GNAL: variants seen among roughly 807,000 people sequenced by gnomAD.
The protein encoded by GNAL is G protein subunit alpha L.
In GNAL, 18 loss-of-function variants were observed where a neutral mutation model predicts 55.1. The observed-to-expected ratio is 0.33, with a 90% confidence interval of 0.23 to 0.48. The LOEUF is 0.48. Ranked by LOEUF, GNAL falls within the 20% of genes least tolerant of loss-of-function variation. The probability of loss-of-function intolerance (pLI) is 0.99; values close to 1 mark genes in which losing one functional copy is unlikely to be tolerated. For missense variants in GNAL, 412 were observed against 614.1 expected, an observed-to-expected ratio of 0.67 and a Z score of 3.48; for synonymous variants, 253 against 237.0, an observed-to-expected ratio of 1.07 and a Z score of -0.62.
intron 4 of GNAL, among the ~76,000 whole-genome samples, chr18:11,770,656 C>T (rs1198655248): frequency 6.6e-6 from 1 of 151,932 alleles, no homozygotes; most frequent in Non-Finnish European, 1.5e-5. Context: ...TGTACCATTA[C>T]CCTAAAGAAT....
intron 5 of GNAL, among the ~76,000 whole-genome samples, chr18:11,837,659 G>A (rs952848360): frequency 6.6e-6 from 1 of 152,174 alleles, no homozygotes; most frequent in East Asian, 1.9e-4. Context: ...CTCATATACT[G>A]CTGGTGGGAA....
At chr18:11,706,107 TG>T (rs1379676682) in intron 1 of GNAL, among the ~76,000 whole-genome samples, 1 of 152,138 alleles carries the variant, frequency 6.6e-6, no homozygotes, top group Non-Finnish European at 1.5e-5. Flanking sequence ...TGTTTTGTTT[TG>T]TTTTTTTGCT....
At chr18:11,871,717 T>G (rs2036402807) in intron 9 of GNAL, among the ~76,000 whole-genome samples, 1 of 152,256 alleles carries the variant, frequency 6.6e-6, no homozygotes, top group Non-Finnish European at 1.5e-5. Flanking sequence ...TCACTTCTAA[T>G]GTGAGTTTTC....
chr18:11,806,475 A>G (rs746482624), intron 4 of GNAL, among the ~76,000 whole-genome samples: 1 of 152,212 alleles, frequency 6.6e-6, no homozygotes, highest in East Asian at 1.9e-4. Context: ...TATAGTTTCA[A>G]GTCTTACAAT....
chr18:11,722,192 A>C (rs762951138), intron 1 of GNAL, among the ~76,000 whole-genome samples: 2 of 152,184 alleles, frequency 1.3e-5, no homozygotes, highest in South Asian at 2.1e-4. Context: ...CTCTGGACAC[A>C]TTTCTTCAGC....
chr18:11,696,832 A>G (rs2031428111), intron 1 of GNAL, among the ~76,000 whole-genome samples: 1 of 152,154 alleles, frequency 6.6e-6, no homozygotes, highest in South Asian at 2.1e-4. Flanking sequence ...GGAATATATG[A>G]CCATTTTATG....
chr18:11,715,994 TA>T (rs1208907381), intron 1 of GNAL, among the ~76,000 whole-genome samples: 1 of 152,064 alleles, frequency 6.6e-6, no homozygotes, highest in East Asian at 1.9e-4. Flanking sequence ...AGACTACTAT[TA>T]AAAAACAGAT....
intron 1 of GNAL, among the ~76,000 whole-genome samples, chr18:11,698,258 C>T (rs1256625174): frequency 3.3e-5 from 5 of 151,756 alleles, no homozygotes; most frequent in Admixed American, 6.6e-5. Context: ...TTTGGGAGGC[C>T]GAGGCGGGTG....
chr18:11,853,583 A>G (rs1172596616), intron 5 of GNAL: 1 of 167,094 alleles, frequency 6.0e-6, no homozygotes, highest in Non-Finnish European at 1.5e-5. Context: ...ATAACCAACT[A>G]TTCACTATTA....
At chr18:11,778,126 C>T (rs928258857) in intron 4 of GNAL, among the ~76,000 whole-genome samples, 10 of 152,160 alleles carry the variant, frequency 6.6e-5, no homozygotes, top group Non-Finnish European at 1.2e-4. Flanking sequence ...CTTACCCATA[C>T]ATATGTATGG....
In GNAL at chr18:11,689,587, G is replaced by A; in HGVS notation, c.24G>A (p.Arg8=). 1 of 1,333,608 alleles carries A rather than the reference G, an allele frequency of 7.5e-7. No individual in the cohort carries two copies. The highest frequency in any genetic ancestry group is 9.5e-7 in the Non-Finnish European group (1 of 1,052,032). 82.6% of individuals were successfully genotyped at this position (1,333,608 alleles called of 1,614,324 possible). Residue 8 remains arginine (R), a synonymous_variant, in exon 1 of 12, where the codon CGG becomes CGA. Transcript: ENST00000334049. MGLCYSL[R]PLLFGGPGDD... ...ACATGGGTCTGTGCTACAGTCTGCG[G>A]CCGCTGCTTTTCGGGGGCCCAGGGG...
intron 9 of GNAL, among the ~76,000 whole-genome samples, chr18:11,869,244 T>C (rs551228794): frequency 2.1e-4 from 32 of 152,102 alleles, no homozygotes; most frequent in South Asian, 1.2e-3. Flanking sequence ...CCCGGGTTCA[T>C]GCCATTCTCC....
intron 4 of GNAL, among the ~76,000 whole-genome samples, chr18:11,819,529 T>C (rs1418464999): frequency 6.6e-6 from 1 of 152,148 alleles, no homozygotes; most frequent in African/African-American, 2.4e-5. Context: ...TAACAAATAT[T>C]CACATATATC....
At chr18:11,742,393 A>C (rs2143482042) in intron 1 of GNAL, among the ~76,000 whole-genome samples, 1 of 152,332 alleles carries the variant, frequency 6.6e-6, no homozygotes, top group Non-Finnish European at 1.5e-5. Flanking sequence ...TGATGCAGTG[A>C]ATCAGTTCAT....
chr18:11,798,179 A>G (rs1343240007), intron 4 of GNAL, among the ~76,000 whole-genome samples: 1 of 152,244 alleles, frequency 6.6e-6, no homozygotes, highest in Non-Finnish European at 1.5e-5. Flanking sequence ...TCTAGACTTT[A>G]CAACACAGTG....
At chr18:11,707,990 CG>C (rs555197368) in intron 1 of GNAL, among the ~76,000 whole-genome samples, 299 of 152,310 alleles carry the variant, frequency 2.0e-3, no homozygotes, top group Admixed American at 4.2e-3. Context: ...GCTTTGGCTT[CG>C]GGGAATGCTG....
chr18:11,813,838 AC>A (rs1463396191), intron 4 of GNAL, among the ~76,000 whole-genome samples: 1 of 152,154 alleles, frequency 6.6e-6, no homozygotes, highest in Non-Finnish European at 1.5e-5. Context: ...TGATTGCACC[AC>A]TGCACTCCAG....
chr18:11,837,315 T>C (rs145033496), intron 5 of GNAL, among the ~76,000 whole-genome samples: 1 of 152,102 alleles, frequency 6.6e-6, no homozygotes, highest in Non-Finnish European at 1.5e-5. Flanking sequence ...GTCCTTATGA[T>C]TCAAGAAAGT....
At chr18:11,715,240 A>G (rs974186589) in intron 1 of GNAL, among the ~76,000 whole-genome samples, 4 of 151,960 alleles carry the variant, frequency 2.6e-5, no homozygotes, top group Non-Finnish European at 5.9e-5. Context: ...TGGGCGGATC[A>G]CAAGGTCAGG....
Sources: allele counts gnomAD v4.1 joint callset (sites outside exome capture counted in the v4.1 genomes callset), GRCh38; gene constraint gnomAD v4.1.1; transcripts MANE v1.5; gene names NCBI Gene and HGNC (gene_info 2026-07-23, HGNC 2026-07-21).